Variants in LITAF observed in about 807,000 individuals in gnomAD.
LITAF encodes lipopolysaccharide-induced tumor necrosis factor-alpha factor.
In LITAF, 9 loss-of-function variants were observed where a neutral mutation model predicts 14.5. The observed-to-expected ratio is 0.62, with a 90% CI of 0.37 to 1.08. The LOEUF (loss-of-function observed/expected upper bound fraction) is 1.08, where lower values mean the gene tolerates loss of function less well. Among genes scored for constraint, LITAF ranks in the 50% least tolerant of loss-of-function variants. The pLI, the probability that LITAF is intolerant of heterozygous loss-of-function variation, is 0.01. For missense variants in LITAF, 206 were observed against 213.4 expected, an observed-to-expected ratio of 0.97 and a Z score of 0.22; for synonymous variants, 98 against 88.2, an observed-to-expected ratio of 1.11 and a Z score of -0.62.
chr16:11,578,727 C>A (rs942885069), intron 1 of LITAF, among the ~76,000 whole-genome samples: 5 of 152,226 alleles, frequency 3.3e-5, no homozygotes, highest in Non-Finnish European at 7.3e-5. Flanking sequence ...TGGTCTTCTC[C>A]TCCCAGAACC....
intron 3 of LITAF, among the ~76,000 whole-genome samples, chr16:11,613,696 A>C (rs2064997808): frequency 6.6e-6 from 1 of 152,184 alleles, no homozygotes; most frequent in African/African-American, 2.4e-5. Context: ...AGGTGTCCTT[A>C]CAGGGAGCAC....
chr16:11,570,262 G>A (rs552109508), intron 1 of LITAF, among the ~76,000 whole-genome samples: 6 of 152,220 alleles, frequency 3.9e-5, no homozygotes, highest in East Asian at 3.9e-4. Flanking sequence ...AAAATACACC[G>A]GAACATTGGG....
At chr16:11,571,432 C>T (rs575060654) in intron 1 of LITAF, among the ~76,000 whole-genome samples, 9 of 152,202 alleles carry the variant, frequency 5.9e-5, no homozygotes, top group East Asian at 5.8e-4. Context: ...GAAGATACTA[C>T]ATTCACGTTA....
Position 11,556,653 on chromosome 16 carries a change from T to G in LITAF, c.78A>C (p.Thr26=). Reference sequence around the variant, plus strand: ...TGGGGTAATAACTGTTAACAGCCACTGTCTCTTCATAGGATGGAGGTGCGG... The same window carrying G: ...TGGGGTAATAACTGTTAACAGCCACGGTCTCTTCATAGGATGGAGGTGCGG... ...APSAPPSYEE[T]VAVNSYYPTP... Residue 26 remains threonine, a synonymous_variant, in exon 2 of 4, where the codon ACA becomes ACC. Transcript: ENST00000622633. The G allele has an allele frequency of 6.2e-7, 1 of 1,614,218 alleles. No individual in the cohort carries two copies. Among genetic ancestry groups the G allele is most frequent in the Non-Finnish European group, 8.5e-7 (1 of 1,180,046 alleles).
intron 3 of LITAF, among the ~76,000 whole-genome samples, chr16:11,552,089 T>C (rs1237136933): frequency 6.6e-6 from 1 of 152,164 alleles, no homozygotes; most frequent in Non-Finnish European, 1.5e-5. Flanking sequence ...GAGCCTCTTA[T>C]TGAAGTTAGG....
chr16:11,609,731 G>T (rs753106555), intron 3 of LITAF, among the ~76,000 whole-genome samples: 2 of 152,090 alleles, frequency 1.3e-5, no homozygotes, highest in African/African-American at 4.8e-5. Flanking sequence ...CTGTTCAAGG[G>T]ACCGTAAACA....
chr16:11,596,256 G>A (rs904948551), intron 1 of LITAF, among the ~76,000 whole-genome samples: 2 of 152,186 alleles, frequency 1.3e-5, no homozygotes, highest in Middle Eastern at 3.4e-3. Flanking sequence ...AGTGAGGCCC[G>A]GGTTACCTGC....
At chr16:11,572,068 G>A (rs1314538063) in intron 1 of LITAF, among the ~76,000 whole-genome samples, 1 of 152,052 alleles carries the variant, frequency 6.6e-6, no homozygotes, top group Non-Finnish European at 1.5e-5. Context: ...CTGCCTGGGT[G>A]AAAGAGCAAG....
intron 1 of LITAF, among the ~76,000 whole-genome samples, chr16:11,594,554 C>T (rs1038666879): frequency 2.0e-5 from 3 of 152,042 alleles, no homozygotes; most frequent in Admixed American, 6.6e-5. Flanking sequence ...TACACACACA[C>T]CTGGAGGAAA....
intron 3 of LITAF, among the ~76,000 whole-genome samples, chr16:11,616,911 CAAAAAAAAAAA>C (rs766801773): frequency 1.2e-5 from 1 of 83,092 alleles, no homozygotes; most frequent in Non-Finnish European, 2.4e-5. Flanking sequence ...GACTCTATCT[CAAAAAAAAAAA>C]AAAAAAAAAG....
At chr16:11,554,224 T>C (rs1455860282) in intron 2 of LITAF, among the ~76,000 whole-genome samples, 1 of 151,832 alleles carries the variant, frequency 6.6e-6, no homozygotes, top group Non-Finnish European at 1.5e-5. Context: ...AGAGCGACGC[T>C]CAGTCCCAAA....
intron 1 of LITAF, among the ~76,000 whole-genome samples, chr16:11,559,409 C>A (rs1007404248): frequency 6.6e-6 from 1 of 152,022 alleles, no homozygotes; most frequent in Non-Finnish European, 1.5e-5. Flanking sequence ...TATTGGGAAG[C>A]TTTTATGTAA....
At chr16:11,639,208 G>A (rs1211854209), upstream of LITAF, among the ~76,000 whole-genome samples, 3 of 150,288 alleles carry the variant, frequency 2.0e-5, no homozygotes, top group Non-Finnish European at 4.4e-5. Flanking sequence ...TGGGTAGATG[G>A]ATGAATGGTT....
At chr16:11,612,827 T>G (rs531132778) in intron 3 of LITAF, among the ~76,000 whole-genome samples, 36 of 152,276 alleles carry the variant, frequency 2.4e-4, no homozygotes, top group African/African-American at 8.4e-4. Flanking sequence ...GGAACCAAGC[T>G]TGGTTACACC....
chr16:11,566,523 G>C (rs545149118), intron 1 of LITAF, among the ~76,000 whole-genome samples: 1 of 152,320 alleles, frequency 6.6e-6, no homozygotes, highest in African/African-American at 2.4e-5. Context: ...CAACACTTTG[G>C]GAGGCCAAGG....
chr16:11,549,921 T>G lies in LITAF; in HGVS notation c.378-176A>C. 1 of 631,818 alleles carries G rather than the reference T, an allele frequency of 1.6e-6. No homozygotes were observed. 39.1% of individuals were successfully genotyped at this position (631,818 alleles called of 1,614,324 possible). ...GCGGACCCCTAAAACCCAATGACCT[T>G]AGAAGAAGAGGAGAGGACACACAGA... On this transcript the variant is annotated intron_variant, in intron 3 of 3. Coordinates refer to ENST00000622633, the MANE Select transcript of LITAF (RefSeq NM_001136472.2). This position sits in a 1 kb window ranked among gnomAD's most constrained non-coding sequence, Gnocchi z 4.6.
upstream of LITAF, chr16:11,598,638 C>G (rs911366166): frequency 1.3e-5 from 2 of 152,048 alleles, no homozygotes; most frequent in Non-Finnish European, 2.9e-5. Flanking sequence ...ATGGTGAAAG[C>G]GGTGACAATG....
At chr16:11,620,947 GT>G (rs1435956097) in intron 3 of LITAF, among the ~76,000 whole-genome samples, 49 of 152,314 alleles carry the variant, frequency 3.2e-4, no homozygotes, top group Non-Finnish European at 2.9e-5. Flanking sequence ...CCAGGCTGGA[GT>G]GCAGTGGTGC....
intron 3 of LITAF, among the ~76,000 whole-genome samples, chr16:11,620,096 A>T (rs1301307306): frequency 6.7e-6 from 1 of 149,916 alleles, no homozygotes; most frequent in East Asian, 2.0e-4. Context: ...GGAACCTGGG[A>T]GGCAGAGGCT....
Sources: allele counts gnomAD v4.1 joint callset (sites outside exome capture counted in the v4.1 genomes callset), GRCh38; gene constraint gnomAD v4.1.1; non-coding constraint Gnocchi (gnomAD v3.1); transcripts MANE v1.5; gene names NCBI Gene and HGNC (gene_info 2026-07-23, HGNC 2026-07-21).